RGS6: variants seen among roughly 807,000 people sequenced by gnomAD.
The protein encoded by RGS6 is regulator of G-protein signaling 6.
In RGS6, 30 loss-of-function variants were observed where a neutral mutation model predicts 78.5. The observed-to-expected ratio is 0.38, with a 90% CI of 0.29 to 0.52. RGS6 has a LOEUF of 0.52. Ranked by LOEUF, RGS6 falls within the 20% of genes least tolerant of loss-of-function variation. The pLI is 0.85. For synonymous variants in RGS6, 206 were observed against 206.0 expected, an observed-to-expected ratio of 1.00 and a Z score of 0.00; for missense variants, 495 against 609.7, an observed-to-expected ratio of 0.81 and a Z score of 1.98.
At chr14:71,964,263 T>C (rs2093383209) in intron 1 of RGS6, among the ~76,000 whole-genome samples, 1 of 152,286 alleles carries the variant, frequency 6.6e-6, no homozygotes, top group South Asian at 2.1e-4. Context: ...TGCCAGCAGT[T>C]TGGGAGGCTG....
chr14:72,476,689 C>A, intron 10 of RGS6, 53 bp from the exon 11 acceptor site: 1 of 1,510,742 alleles, frequency 6.6e-7, no homozygotes, highest in Non-Finnish European at 9.2e-7. Flanking sequence ...GACCCCTAAG[C>A]CACCCTCCAA....
intron 2 of RGS6, among the ~76,000 whole-genome samples, chr14:72,059,502 T>C (rs906689288): frequency 6.6e-4 from 100 of 152,290 alleles, no homozygotes; most frequent in African/African-American, 2.2e-3. Flanking sequence ...AGGTACCATA[T>C]GGTAACTGTT....
intron 2 of RGS6, among the ~76,000 whole-genome samples, chr14:72,221,551 G>A (rs553343401): frequency 1.3e-5 from 2 of 152,206 alleles, no homozygotes; most frequent in East Asian, 3.9e-4. Flanking sequence ...AGAATTGCTA[G>A]GACTTCCAAT....
At chr14:72,404,078 C>A (rs2092706367) in intron 3 of RGS6, among the ~76,000 whole-genome samples, 2 of 152,180 alleles carry the variant, frequency 1.3e-5, no homozygotes, top group Non-Finnish European at 2.9e-5. Flanking sequence ...GATGGACAGT[C>A]ATGCACAGTG....
intron 1 of RGS6, among the ~76,000 whole-genome samples, chr14:71,945,758 G>A (rs1461576288): frequency 1.3e-5 from 2 of 152,122 alleles, no homozygotes; most frequent in South Asian, 2.1e-4. Context: ...GTGTTTAAGC[G>A]AGAAGTATGT....
the RGS6 span, among the ~76,000 whole-genome samples, chr14:71,919,486 T>C: frequency 1.3e-5 from 2 of 152,134 alleles, no homozygotes; most frequent in Non-Finnish European, 2.9e-5. Context: ...GTGATGTGTA[T>C]GTTAAGTCTA....
the RGS6 span, among the ~76,000 whole-genome samples, chr14:72,617,061 T>A: frequency 6.6e-6 from 1 of 152,184 alleles, no homozygotes; most frequent in African/African-American, 2.4e-5. Flanking sequence ...CAAGTTCCAG[T>A]GCCCTGCCTT....
intron 2 of RGS6, among the ~76,000 whole-genome samples, chr14:71,984,513 A>G (rs1249146150): frequency 5.7e-5 from 8 of 139,322 alleles, no homozygotes; most frequent in Non-Finnish European, 1.2e-4. Flanking sequence ...TGGACAAGGA[A>G]GGCTTATTGA....
At chr14:72,374,542 T>C (rs1041704875) in intron 3 of RGS6, among the ~76,000 whole-genome samples, 1 of 152,218 alleles carries the variant, frequency 6.6e-6, no homozygotes, top group African/African-American at 2.4e-5. Context: ...ACTTTCTCTA[T>C]TTCAGTACTG....
intron 2 of RGS6, among the ~76,000 whole-genome samples, chr14:72,328,656 A>G (rs2074322906): frequency 6.6e-6 from 1 of 152,144 alleles, no homozygotes; most frequent in Non-Finnish European, 1.5e-5. Flanking sequence ...AGGAGGACAG[A>G]CATCATTGTG....
At position 72,458,342 on chromosome 14, in the gene RGS6, A is replaced by T; in HGVS notation, c.307A>T (p.Thr103Ser). ...YIFPISDHVL[T>S]MKDDGTFYRF... ...CTTTCCAATCTCAGACCATGTTCTC[A>T]CCATGAAGGATGATGGCACCTTTTA... is the stretch of plus-strand genomic sequence containing the variant. Residue 103 changes from threonine (T) to serine (S), a missense_variant, in exon 5 of 18, where the codon ACC becomes TCC. Thr to Ser is a moderately conservative substitution (Grantham distance 58). Transcript: ENST00000553525. The T allele has an allele frequency of 6.2e-7, 1 of 1,614,116 alleles. No homozygotes were observed. Among genetic ancestry groups the T allele is most frequent in the South Asian group, 1.1e-5 (1 of 91,070 alleles).
At chr14:72,052,413 A>G (rs1300857796) in intron 2 of RGS6, among the ~76,000 whole-genome samples, 1 of 152,154 alleles carries the variant, frequency 6.6e-6, no homozygotes, top group African/African-American at 2.4e-5. Context: ...CTGATTTGAA[A>G]TGTTCGTGAA....
chr14:72,065,253 G>A (rs1040940734), intron 2 of RGS6, among the ~76,000 whole-genome samples: 1 of 152,130 alleles, frequency 6.6e-6, no homozygotes, highest in African/African-American at 2.4e-5. Flanking sequence ...GTTTAGCAGG[G>A]GACAGTGGGG....
At chr14:72,332,314 T>C (rs2075229625) in intron 2 of RGS6, among the ~76,000 whole-genome samples, 1 of 152,180 alleles carries the variant, frequency 6.6e-6, no homozygotes, top group Non-Finnish European at 1.5e-5. Flanking sequence ...GGCCAGGCGG[T>C]AGGTTTGCCT....
At chr14:72,005,618 TATAATG>T (rs1252692666) in intron 2 of RGS6, among the ~76,000 whole-genome samples, 10 of 152,200 alleles carry the variant, frequency 6.6e-5, no homozygotes, top group Non-Finnish European at 1.5e-5. Flanking sequence ...ATATCTCTCT[TATAATG>T]AGAAATGTTT....
intron 2 of RGS6, among the ~76,000 whole-genome samples, chr14:72,015,343 G>A (rs974974499): frequency 1.3e-5 from 2 of 152,174 alleles, no homozygotes; most frequent in African/African-American, 2.4e-5. Context: ...TGAGGAATCC[G>A]CCATTATGGC....
At chr14:72,336,060 T>C (rs72724035) in intron 2 of RGS6, among the ~76,000 whole-genome samples, 19,176 of 152,224 alleles carry the variant, frequency 0.13, 1,222 homozygotes, top group South Asian at 0.18. Context: ...TGAGATCAAA[T>C]TCACCTTTTT....
At chr14:71,905,911 G>T in the RGS6 span, among the ~76,000 whole-genome samples, 3 of 152,176 alleles carry the variant, frequency 2.0e-5, no homozygotes, top group Non-Finnish European at 4.4e-5. Context: ...AGATATCAAA[G>T]GATTTCCTCA....
chr14:71,994,150 T>TGA (rs2095090278), intron 2 of RGS6, among the ~76,000 whole-genome samples: 1 of 152,144 alleles, frequency 6.6e-6, no homozygotes, highest in East Asian at 1.9e-4. Context: ...AGTTTGTACT[T>TGA]TCCTTTCCTT....
Sources: allele counts gnomAD v4.1 joint callset (sites outside exome capture counted in the v4.1 genomes callset), GRCh38; gene constraint gnomAD v4.1.1; transcripts MANE v1.5; gene names NCBI Gene and HGNC (gene_info 2026-07-23, HGNC 2026-07-21).